Variants in HS3ST3A1 observed in about 807,000 individuals in gnomAD.
HS3ST3A1 encodes the protein heparan sulfate-glucosamine 3-sulfotransferase 3A1, also known as heparan sulfate glucosamine 3-O-sulfotransferase 3A1.
In HS3ST3A1, 19 loss-of-function variants were observed where a neutral mutation model predicts 25.7. The observed-to-expected ratio is 0.74, with a 90% CI of 0.52 to 1.08. HS3ST3A1 has a LOEUF of 1.08. Ranked by LOEUF, HS3ST3A1 falls within the 50% of genes least tolerant of loss-of-function variation. The pLI, the probability that HS3ST3A1 is intolerant of heterozygous loss-of-function variation, is 0.00. For missense variants in HS3ST3A1, 459 were observed against 594.3 expected, an observed-to-expected ratio of 0.77 and a Z score of 2.37; for synonymous variants, 226 against 278.6, an observed-to-expected ratio of 0.81 and a Z score of 1.88.
chr17:13,505,553 G>T (rs1323606309), intron 1 of HS3ST3A1, among the ~76,000 whole-genome samples: 1 of 151,944 alleles, frequency 6.6e-6, no homozygotes, highest in Admixed American at 6.6e-5. Flanking sequence ...CTGATAGTGG[G>T]AAAGACAAGG....
intron 1 of HS3ST3A1, among the ~76,000 whole-genome samples, chr17:13,524,796 C>A (rs1452204726): frequency 6.6e-6 from 1 of 152,102 alleles, no homozygotes; most frequent in African/African-American, 2.4e-5. Context: ...CACATTCCTA[C>A]AAATCTATAA....
rs115262757 is a variant in HS3ST3A1, at chr17:13,502,062, G to T, written c.600-5244C>A. Among the ~76,000 whole-genome samples the T allele has an allele frequency of 3.8e-3, 584 of 152,140 alleles. 3 individuals are homozygous for T. The highest frequency in any genetic ancestry group is 0.013 in the African/African-American group (545 of 41,508). On this transcript the variant is annotated intron_variant, in intron 1 of 1. Coordinates refer to ENST00000284110, the MANE Select transcript of HS3ST3A1 (RefSeq NM_006042.3). ...AAACTGCTTGGCAATTTTCCTATCT[G>T]GCTCAAACATCATGCCACTCTACCG... is the stretch of plus-strand genomic sequence containing the variant.
chr17:13,533,153 A>T (rs1360661416), intron 1 of HS3ST3A1, among the ~76,000 whole-genome samples: 6 of 152,150 alleles, frequency 3.9e-5, no homozygotes, highest in Non-Finnish European at 7.4e-5. Flanking sequence ...AGTGTAAAAT[A>T]TCTACATGTA....
At chr17:13,541,632 T>A (rs760897438) in intron 1 of HS3ST3A1, among the ~76,000 whole-genome samples, 8 of 152,228 alleles carry the variant, frequency 5.3e-5, no homozygotes, top group African/African-American at 1.4e-4. Flanking sequence ...AGACTCTTGC[T>A]CCTTAAGGAG....
At chr17:13,529,050 G>T (rs1408781613) in intron 1 of HS3ST3A1, among the ~76,000 whole-genome samples, 1 of 152,146 alleles carries the variant, frequency 6.6e-6, no homozygotes, top group Non-Finnish European at 1.5e-5. Context: ...AAGGGAAATG[G>T]TAGTCCTGGG....
At chr17:13,560,344 C>T (rs971352816) in intron 1 of HS3ST3A1, among the ~76,000 whole-genome samples, 10 of 124,292 alleles carry the variant, frequency 8.0e-5, no homozygotes, top group Non-Finnish European at 1.6e-5. Flanking sequence ...TACTCTTCAA[C>T]TGGAGTCACC....
intron 1 of HS3ST3A1, among the ~76,000 whole-genome samples, chr17:13,576,303 CAT>C (rs1891402854): frequency 6.6e-6 from 1 of 152,090 alleles, no homozygotes; most frequent in Non-Finnish European, 1.5e-5. Flanking sequence ...GAGCTGCAGA[CAT>C]ATGGATGCTT....
Position 13,600,713 on chromosome 17 carries a change from C to T in HS3ST3A1, c.417G>A (p.Gly139=). The T allele has an allele frequency of 6.4e-7, 1 of 1,557,522 alleles. No homozygotes were observed. Among genetic ancestry groups the T allele is most frequent in the African/African-American group, 1.4e-5 (1 of 72,730 alleles). ...AGSTVAEAPP[G]TLALLLDEGS... is the part of the protein sequence containing the mutation. Reference sequence around the variant, plus strand: ...CTTCGTCCAGGAGCAGCGCCAGGGTCCCCGGCGGGGCCTCGGCCACGGTGC... The same window carrying T: ...CTTCGTCCAGGAGCAGCGCCAGGGTTCCCGGCGGGGCCTCGGCCACGGTGC... Residue 139 remains glycine, a synonymous_variant, in exon 1 of 2, where the codon GGG becomes GGA. Transcript: ENST00000284110.
intron 1 of HS3ST3A1, among the ~76,000 whole-genome samples, chr17:13,583,165 G>A (rs1312778201): frequency 6.6e-6 from 1 of 152,180 alleles, no homozygotes; most frequent in South Asian, 2.1e-4. Context: ...AGTCTTCAGA[G>A]TTATTCCTTG....
At chr17:13,545,926 G>A (rs1023137778) in intron 1 of HS3ST3A1, among the ~76,000 whole-genome samples, 27 of 152,192 alleles carry the variant, frequency 1.8e-4, no homozygotes, top group African/African-American at 5.8e-4. Context: ...GCGGTGAACC[G>A]AGATTGTGTC....
intron 1 of HS3ST3A1, among the ~76,000 whole-genome samples, chr17:13,583,075 G>A (rs772343552): frequency 2.6e-5 from 4 of 152,134 alleles, no homozygotes; most frequent in South Asian, 2.1e-4. Flanking sequence ...GGAAATCCAC[G>A]GCCATAGAAA....
Position 13,495,155 on chromosome 17 carries a change from TA to T in HS3ST3A1, c.*1041del, listed in dbSNP as rs907314236. 6.6e-6 allele frequency among the ~76,000 whole-genome samples: 1 copy of T among 151,790 alleles called. No homozygotes were observed. The highest frequency in any genetic ancestry group is 1.5e-5 in the Non-Finnish European group (1 of 67,964). On this transcript the variant is annotated 3_prime_UTR_variant, in exon 2 of 2. Coordinates refer to ENST00000284110, the MANE Select transcript of HS3ST3A1 (RefSeq NM_006042.3). ...TTGAAATCTGTTTCTTTTTTTTTTT[TA>T]AAGTCAATTAAATCAACAAATGGGT...
chr17:13,523,939 T>C (rs191878129), intron 1 of HS3ST3A1, among the ~76,000 whole-genome samples: 4 of 152,306 alleles, frequency 2.6e-5, no homozygotes. Flanking sequence ...TACCTTAATA[T>C]TAAAATACAT....
chr17:13,538,392 T>C (rs1247909112), intron 1 of HS3ST3A1, among the ~76,000 whole-genome samples: 2 of 152,208 alleles, frequency 1.3e-5, no homozygotes, highest in African/African-American at 4.8e-5. Context: ...GCTATTTTCA[T>C]AGTAGCACTT....
rs1235068496 is a variant in HS3ST3A1, at chr17:13,494,813, G to A, written c.*1384C>T. Among the ~76,000 whole-genome samples, 2 of 152,082 alleles carry A rather than the reference G, an allele frequency of 1.3e-5. No homozygotes were observed. The highest frequency in any genetic ancestry group is 2.1e-4 in the South Asian group (1 of 4,812). On this transcript the variant is annotated 3_prime_UTR_variant, in exon 2 of 2. Transcript: ENST00000284110. ...GATTTATTTGAGTGATTTAAATGGG[G>A]GATGGGCAGAAACAGACGAGAGAAG...
intron 1 of HS3ST3A1, among the ~76,000 whole-genome samples, chr17:13,590,041 A>C (rs1302686385): frequency 6.6e-6 from 1 of 152,216 alleles, no homozygotes; most frequent in Non-Finnish European, 1.5e-5. Flanking sequence ...TTTTATTCCC[A>C]TAATTTGATT....
intron 1 of HS3ST3A1, among the ~76,000 whole-genome samples, chr17:13,538,921 T>G (rs538703971): frequency 1.5e-4 from 23 of 152,270 alleles, no homozygotes; most frequent in African/African-American, 5.5e-4. Flanking sequence ...TACAAAACAT[T>G]TATTTGCTCA....
intron 1 of HS3ST3A1, among the ~76,000 whole-genome samples, chr17:13,582,717 A>T (rs1402326920): frequency 6.6e-6 from 1 of 152,210 alleles, no homozygotes; most frequent in Non-Finnish European, 1.5e-5. Flanking sequence ...TCATTATATT[A>T]CTTAATGATT....
intron 1 of HS3ST3A1, among the ~76,000 whole-genome samples, chr17:13,519,067 T>C (rs1186946709): frequency 6.6e-6 from 1 of 152,214 alleles, no homozygotes. Context: ...TTATTAACAG[T>C]GGTTACCTCT....
Sources: allele counts gnomAD v4.1 joint callset (sites outside exome capture counted in the v4.1 genomes callset), GRCh38; gene constraint gnomAD v4.1.1; transcripts MANE v1.5; gene names NCBI Gene and HGNC (gene_info 2026-07-23, HGNC 2026-07-21).